Variants in GRID2 observed in about 807,000 individuals in gnomAD.
GRID2 encodes glutamate receptor ionotropic, delta-2.
GRID2 carries 33 observed loss-of-function variants against 114.8 expected under a neutral mutation model. That is an observed-to-expected ratio of 0.29 (90% confidence interval 0.22 to 0.38). The LOEUF (loss-of-function observed/expected upper bound fraction) is 0.38. Among genes scored for constraint, GRID2 ranks in the 10% least tolerant of loss-of-function variants. GRID2 has a pLI of 1.00. For missense variants in GRID2, 1,184 were observed against 1,257.7 expected, an observed-to-expected ratio of 0.94 and a Z score of 0.89; for synonymous variants, 505 against 449.9, an observed-to-expected ratio of 1.12 and a Z score of -1.55.
At chr4:92,648,270 G>A (rs1731745367) in intron 2 of GRID2, among the ~76,000 whole-genome samples, 1 of 149,560 alleles carries the variant, frequency 6.7e-6, no homozygotes, top group South Asian at 2.1e-4. Flanking sequence ...AATGAGGTAG[G>A]TAATTATTAG....
intron 1 of GRID2, among the ~76,000 whole-genome samples, chr4:92,534,388 T>C (rs1359291401): frequency 6.6e-6 from 1 of 152,088 alleles, no homozygotes; most frequent in Admixed American, 6.6e-5. Context: ...ATTTGACCCA[T>C]AGTCTTTCTG....
intron 14 of GRID2, among the ~76,000 whole-genome samples, chr4:93,743,837 A>G (rs1725940743): frequency 6.6e-6 from 1 of 152,172 alleles, no homozygotes; most frequent in South Asian, 2.1e-4. Context: ...ATTGCCCTCT[A>G]TTGGAGGAAG....
At chr4:92,403,107 C>T (rs957700234) in intron 1 of GRID2, among the ~76,000 whole-genome samples, 3 of 152,170 alleles carry the variant, frequency 2.0e-5, no homozygotes, top group African/African-American at 7.2e-5. Flanking sequence ...TTCTTCACTT[C>T]TCTCAGCCTT....
chr4:93,662,205 T>C, intron 14 of GRID2, among the ~76,000 whole-genome samples: 1 of 152,230 alleles, frequency 6.6e-6, no homozygotes, highest in African/African-American at 2.4e-5. Flanking sequence ...TGTCACCGTC[T>C]CACTGCGGCC....
chr4:93,224,709 G>T lies in GRID2; in HGVS notation c.1059G>T (p.Leu353=). 6.2e-7 allele frequency: 1 copy of T among 1,612,850 alleles called. No individual in the cohort carries two copies. The highest frequency in any genetic ancestry group is 1.1e-5 in the South Asian group (1 of 91,054). Reference sequence around the variant, plus strand: ...GAAAGTGGCACAGCATGGCAAGTCTGTCATGTATCAGAAAGAACTCAAAGC... The same window carrying T: ...GAAAGTGGCACAGCATGGCAAGTCTTTCATGTATCAGAAAGAACTCAAAGC... ...EDRKWHSMAS[L]SCIRKNSKPW... is the part of the protein sequence containing the mutation. The change falls in exon 7 of 16, where the codon CTG becomes CTT. Residue 353 remains leucine (L), a synonymous_variant. Coordinates refer to ENST00000282020, the MANE Select transcript of GRID2 (RefSeq NM_001510.4).
chr4:92,793,482 C>A (rs1358935128), intron 2 of GRID2, among the ~76,000 whole-genome samples: 2 of 151,274 alleles, frequency 1.3e-5, no homozygotes, highest in African/African-American at 4.9e-5. Flanking sequence ...ATTTGTACCA[C>A]AAACCCCCAT....
At chr4:93,645,896 A>T (rs553769421) in intron 14 of GRID2, among the ~76,000 whole-genome samples, 28 of 152,302 alleles carry the variant, frequency 1.8e-4, no homozygotes, top group African/African-American at 6.3e-4. Flanking sequence ...TTCATCTTCC[A>T]TAATAAAGTA....
chr4:93,758,062 T>C (rs2009280088), intron 14 of GRID2, among the ~76,000 whole-genome samples: 1 of 152,180 alleles, frequency 6.6e-6, no homozygotes, highest in African/African-American at 2.4e-5. Context: ...ATGTCTAAAA[T>C]GAAGAGAAAC....
At chr4:93,028,880 C>G (rs540433667) in intron 2 of GRID2, among the ~76,000 whole-genome samples, 1 of 151,962 alleles carries the variant, frequency 6.6e-6, no homozygotes, top group Non-Finnish European at 1.5e-5. Flanking sequence ...GTGTGACTTA[C>G]AATTTCTGAA....
intron 2 of GRID2, among the ~76,000 whole-genome samples, chr4:92,817,571 T>C (rs1046056604): frequency 2.0e-5 from 3 of 150,186 alleles, no homozygotes; most frequent in African/African-American, 7.6e-5. Context: ...CTTGAGATTG[T>C]TTTTATGCTT....
At position 93,238,377 on chromosome 4, in the gene GRID2, G is replaced by C; in HGVS notation, c.1132G>C (p.Val378Leu). ...TATCTGTTCTCTCCTTTAGGGTGGA[G>C]TTAGTGGGTTGACTGGAGAGCTAGA... ...SMLETIKKGG[V>L]SGLTGELEFG... is the part of the protein sequence containing the mutation. The change falls in exon 8 of 16, where the codon GTT (valine) becomes CTT (leucine). Residue 378 changes from valine (V) to leucine (L), a missense_variant. By Grantham distance (32) the Val-to-Leu change is conservative. Coordinates refer to ENST00000282020, the MANE Select transcript of GRID2 (RefSeq NM_001510.4). 6.2e-7 allele frequency: 1 copy of C among 1,603,454 alleles called. No individual in the cohort carries two copies.
intron 2 of GRID2, among the ~76,000 whole-genome samples, chr4:92,967,793 T>C (rs149856685): frequency 3.6e-4 from 54 of 152,064 alleles, no homozygotes; most frequent in Non-Finnish European, 6.3e-4. Context: ...AGCGAGGGTA[T>C]AGCTATTGGA....
rs747857050 is a variant in GRID2 at position 93,395,696 on chromosome 4, A to G, written c.1335A>G (p.Val445=). ...ACATGCGTGGAGTGGTTCTACGTGT[A>G]GTAACTGTTCTGGTAAGTATTATCT... ...ENNMRGVVLR[V]VTVLEEPFVM... Residue 445 remains valine, a synonymous_variant, in exon 9 of 16, where the codon GTA becomes GTG. Transcript: ENST00000282020. The G allele has an allele frequency of 3.4e-6, 5 of 1,490,036 alleles. No homozygotes were observed. Among genetic ancestry groups the G allele is most frequent in the Middle Eastern group, 1.7e-4 (1 of 5,788 alleles). 92.3% of individuals were successfully genotyped at this position (1,490,036 alleles called of 1,614,324 possible).
chr4:93,521,704 G>A (rs1487621719), intron 13 of GRID2, among the ~76,000 whole-genome samples: 1 of 151,678 alleles, frequency 6.6e-6, no homozygotes, highest in Non-Finnish European at 1.5e-5. Context: ...ATGAGAACCA[G>A]GTACTGGAAA....
intron 6 of GRID2, chr4:93,217,143 A>G (rs946981600): frequency 1.8e-5 from 6 of 340,518 alleles, no homozygotes; most frequent in African/African-American, 1.0e-4. Context: ...TAATAAGTAA[A>G]GGTTATTTTC....
intron 1 of GRID2, among the ~76,000 whole-genome samples, chr4:92,451,772 T>C (rs977409778): frequency 1.3e-5 from 2 of 152,086 alleles, no homozygotes; most frequent in African/African-American, 4.8e-5. Flanking sequence ...TTCAGGAAAA[T>C]TAGGCAGAAG....
chr4:93,221,980 C>G (rs1744932710), intron 6 of GRID2, among the ~76,000 whole-genome samples: 4 of 152,120 alleles, frequency 2.6e-5, no homozygotes, highest in Admixed American at 2.6e-4. Context: ...GGATAGAACC[C>G]AGGTTACCAG....
intron 2 of GRID2, among the ~76,000 whole-genome samples, chr4:92,808,092 G>C (rs1017197589): frequency 1.1e-4 from 17 of 152,126 alleles, no homozygotes; most frequent in Admixed American, 2.6e-4. Context: ...GAGCAGGAGA[G>C]AGATTTTTTG....
chr4:93,685,036 G>A (rs1725950074), intron 14 of GRID2, among the ~76,000 whole-genome samples: 1 of 151,948 alleles, frequency 6.6e-6, no homozygotes. Flanking sequence ...ATTAGTCCAG[G>A]CTATTTGCAA....
Sources: gnomAD v4.1 joint callset for allele counts (sites outside exome capture counted in the v4.1 genomes callset) on GRCh38, gnomAD v4.1.1 for gene constraint, MANE v1.5 for transcripts, NCBI Gene and HGNC (gene_info 2026-07-23, HGNC 2026-07-21) for gene names.